MPPED2: variants seen among roughly 807,000 people sequenced by gnomAD.
MPPED2 encodes metallophosphoesterase MPPED2.
In MPPED2, 5 loss-of-function variants were observed where a neutral mutation model predicts 33.0. That is an observed-to-expected ratio of 0.15 (90% CI 0.08 to 0.32). MPPED2 has a LOEUF of 0.32. MPPED2 is among the 10% of genes least tolerant of loss of function. MPPED2 has a pLI of 1.00. For missense variants in MPPED2, 275 were observed against 372.1 expected (o/e 0.74, Z 2.15); for synonymous variants, 136 against 141.9 (o/e 0.96, Z 0.29).
intron 3 of MPPED2, among the ~76,000 whole-genome samples, chr11:30,505,074 C>A (rs1952757916): frequency 1.3e-5 from 2 of 152,132 alleles, no homozygotes; most frequent in Admixed American, 1.3e-4. Context: ...AAAGTCCACT[C>A]CCCATCCCTT....
intron 4 of MPPED2, among the ~76,000 whole-genome samples, chr11:30,472,296 G>A (rs1950983297): frequency 6.6e-6 from 1 of 152,138 alleles, no homozygotes; most frequent in South Asian, 2.1e-4. Context: ...GGAAGCTTGA[G>A]GCTGCAGTGA....
intron 4 of MPPED2, among the ~76,000 whole-genome samples, chr11:30,438,475 C>T (rs1949419848): frequency 6.6e-6 from 1 of 152,200 alleles, no homozygotes; most frequent in South Asian, 2.1e-4. Flanking sequence ...AGTTGTCCAA[C>T]TTCAACATTT....
intron 6 of MPPED2, among the ~76,000 whole-genome samples, chr11:30,402,374 T>G (rs1373605391): frequency 6.6e-6 from 1 of 152,224 alleles, no homozygotes; most frequent in African/African-American, 2.4e-5. Context: ...AAGTCTTCTT[T>G]GAGAGTAACA....
intron 6 of MPPED2, among the ~76,000 whole-genome samples, chr11:30,401,588 TTAC>T (rs1187467318): frequency 2.0e-5 from 3 of 152,266 alleles, no homozygotes; most frequent in Non-Finnish European, 4.4e-5. Context: ...AAGCATTTTC[TTAC>T]AAACTAAAGG....
chr11:30,468,843 G>A (rs757625726), intron 4 of MPPED2: 1 of 152,178 alleles, frequency 6.6e-6, no homozygotes, highest in Non-Finnish European at 1.5e-5. Context: ...TTCTTCCAGG[G>A]ACCCTTGTAA....
At chr11:30,480,905 C>T (rs991878336) in intron 4 of MPPED2, among the ~76,000 whole-genome samples, 37 of 152,174 alleles carry the variant, frequency 2.4e-4, no homozygotes, top group African/African-American at 6.7e-4. Context: ...TCTATCTCCA[C>T]AGGTAGGTCA....
rs572660031 is a variant in MPPED2 at position 30,460,208 on chromosome 11, CAT to C, written c.536+35086_536+35087del. Among the ~76,000 whole-genome samples, 15 of 152,274 alleles carry C rather than the reference CAT, an allele frequency of 9.9e-5. No individual in the cohort carries two copies. The South Asian group carries it at 3.1e-3, about 32-fold the overall frequency. ...TGCTGGCTTTTCTTCTGCATTTTGC[CAT>C]AGTTTTTGCTTTTTTCTTCTTGTCT... On this transcript the variant is annotated intron_variant, in intron 4 of 6. Coordinates refer to ENST00000358117, the MANE Select transcript of MPPED2 (RefSeq NM_001584.3).
intron 4 of MPPED2, among the ~76,000 whole-genome samples, chr11:30,428,261 A>T (rs1242125935): frequency 6.6e-6 from 1 of 152,248 alleles, no homozygotes; most frequent in Non-Finnish European, 1.5e-5. Flanking sequence ...ATTTCAGTTT[A>T]AATGCACACA....
intron 6 of MPPED2, among the ~76,000 whole-genome samples, chr11:30,393,762 A>T (rs1947807641): frequency 6.6e-6 from 1 of 152,136 alleles, no homozygotes; most frequent in African/African-American, 2.4e-5. Context: ...TCTTGCTGGG[A>T]TCATTTTTCA....
chr11:30,585,229 C>T (rs949283502), intron 1 of MPPED2, among the ~76,000 whole-genome samples: 2 of 152,174 alleles, frequency 1.3e-5, no homozygotes, highest in African/African-American at 4.8e-5. Flanking sequence ...GGTTACTTTT[C>T]CTCGGTACTC....
intron 3 of MPPED2, among the ~76,000 whole-genome samples, chr11:30,498,200 A>G (rs1952373666): frequency 6.6e-6 from 1 of 152,040 alleles, no homozygotes; most frequent in Non-Finnish European, 1.5e-5. Context: ...TATTCAGATC[A>G]TGCCAGCTAA....
intron 2 of MPPED2, among the ~76,000 whole-genome samples, chr11:30,573,512 A>T (rs1006062408): frequency 1.3e-5 from 2 of 152,196 alleles, no homozygotes; most frequent in East Asian, 1.9e-4. Context: ...AGAAGAAGGC[A>T]TTGTCATCAC....
At chr11:30,493,269 G>A (rs1336815631) in intron 4 of MPPED2, among the ~76,000 whole-genome samples, 2 of 151,754 alleles carry the variant, frequency 1.3e-5, no homozygotes, top group African/African-American at 4.8e-5. Flanking sequence ...TACTCGGGAG[G>A]CTGAGGCAGG....
intron 2 of MPPED2, among the ~76,000 whole-genome samples, chr11:30,540,668 T>C (rs1590778151): frequency 6.6e-6 from 1 of 152,068 alleles, no homozygotes; most frequent in South Asian, 2.1e-4. Flanking sequence ...TTAAAAGAAA[T>C]CACATACACA....
At chr11:30,529,518 G>A (rs1954393557) in intron 3 of MPPED2, among the ~76,000 whole-genome samples, 1 of 143,824 alleles carries the variant, frequency 7.0e-6, no homozygotes, top group African/African-American at 2.5e-5. Context: ...TTTGGCAAAA[G>A]ATATTTGTGT....
intron 4 of MPPED2, chr11:30,451,701 T>G (rs747952108): frequency 1.8e-5 from 17 of 969,332 alleles, no homozygotes; most frequent in African/African-American, 5.3e-5. Context: ...TTCAAAAACA[T>G]TAGAGAAACT....
intron 2 of MPPED2, among the ~76,000 whole-genome samples, chr11:30,576,548 T>C (rs1279115774): frequency 1.3e-5 from 2 of 152,186 alleles, no homozygotes; most frequent in African/African-American, 2.4e-5. Flanking sequence ...CTGGATACCC[T>C]ACTAATAAAG....
downstream of MPPED2, among the ~76,000 whole-genome samples, chr11:30,406,633 A>T (rs529338886): frequency 5.2e-4 from 79 of 152,324 alleles, no homozygotes; most frequent in African/African-American, 1.8e-3. Context: ...AATGCAAGAT[A>T]GGAGAAAACA....
At chr11:30,406,034 C>A (rs550958165), downstream of MPPED2, among the ~76,000 whole-genome samples, 35 of 152,288 alleles carry the variant, frequency 2.3e-4, no homozygotes, top group African/African-American at 8.2e-4. Context: ...GCATGACAAA[C>A]AGCCATCATG....
Sources: allele counts gnomAD v4.1 joint callset (sites outside exome capture counted in the v4.1 genomes callset), GRCh38; gene constraint gnomAD v4.1.1; transcripts MANE v1.5; gene names NCBI Gene and HGNC (gene_info 2026-07-23, HGNC 2026-07-21).